Variants in ANO3 observed in about 807,000 individuals in gnomAD.
ANO3 encodes anoctamin-3.
Under a neutral mutation model 144.8 loss-of-function variants are expected in ANO3, and 99 were observed. The observed-to-expected ratio is 0.68, with a 90% CI of 0.58 to 0.81. The LOEUF is 0.81. Ranked by LOEUF, ANO3 falls within the 30% of genes least tolerant of loss-of-function variation. ANO3 has a pLI of 0.00. For missense variants in ANO3, 905 were observed against 1,202.2 expected, an observed-to-expected ratio of 0.75 and a Z score of 3.66; for synonymous variants, 414 against 392.6, an observed-to-expected ratio of 1.05 and a Z score of -0.64.
intron 24 of ANO3, among the ~76,000 whole-genome samples, chr11:26,651,937 T>C (rs545408595): frequency 1.3e-5 from 2 of 152,328 alleles, no homozygotes; most frequent in South Asian, 4.1e-4. Flanking sequence ...AAAGCATTGG[T>C]CATAATAACT....
At chr11:26,514,252 C>T (rs1440459593) in intron 5 of ANO3, among the ~76,000 whole-genome samples, 2 of 151,794 alleles carry the variant, frequency 1.3e-5, no homozygotes, top group Non-Finnish European at 2.9e-5. Context: ...TTTACAGAGC[C>T]AAGGAAGAGG....
At chr11:26,328,294 A>G (rs1854941910), upstream of ANO3, among the ~76,000 whole-genome samples, 1 of 152,112 alleles carries the variant, frequency 6.6e-6, no homozygotes, top group Non-Finnish European at 1.5e-5. Context: ...ATTTCACTCC[A>G]TTTTTCCTTT....
At chr11:26,387,795 T>A (rs1856774459) in intron 1 of ANO3, among the ~76,000 whole-genome samples, 1 of 152,084 alleles carries the variant, frequency 6.6e-6, no homozygotes, top group African/African-American at 2.4e-5. Context: ...AGAGAGAGTT[T>A]GCATTTTCTT....
intron 14 of ANO3, among the ~76,000 whole-genome samples, chr11:26,593,213 A>G (rs1035673478): frequency 4.6e-5 from 7 of 152,180 alleles, no homozygotes; most frequent in African/African-American, 1.7e-4. Context: ...GGGACTAGGT[A>G]AGCATACTTA....
intron 6 of ANO3, among the ~76,000 whole-genome samples, chr11:26,522,011 CG>C (rs1449507527): frequency 6.6e-6 from 1 of 152,042 alleles, no homozygotes; most frequent in Non-Finnish European, 1.5e-5. Context: ...GGTGAAACTC[CG>C]TCTCTACTAA....
chr11:26,356,332 A>G (rs1855783175), intron 1 of ANO3, among the ~76,000 whole-genome samples: 1 of 152,154 alleles, frequency 6.6e-6, no homozygotes, highest in Non-Finnish European at 1.5e-5. Context: ...CCACAATCAC[A>G]ATCAAGATAA....
chr11:26,537,587 CT>C, intron 10 of ANO3, 126 bp downstream of exon 10: 1 of 786,488 alleles, frequency 1.3e-6, no homozygotes, highest in South Asian at 1.5e-5. Context: ...AGCCATGGGC[CT>C]TCTGTCTCCC....
At chr11:26,282,253 G>A (rs895226085) in intron 1 of ANO3, among the ~76,000 whole-genome samples, 2 of 151,714 alleles carry the variant, frequency 1.3e-5, no homozygotes, top group African/African-American at 4.8e-5. Context: ...TATATCTAAA[G>A]TCCAGAAATA....
chr11:26,459,510 A>G (rs1859296601), intron 3 of ANO3, among the ~76,000 whole-genome samples: 2 of 152,150 alleles, frequency 1.3e-5, no homozygotes, highest in South Asian at 2.1e-4. Context: ...ACATTTATTG[A>G]ATGAACTATG....
At position 26,553,269 on chromosome 11, in the gene ANO3, C is replaced by T. The variant is rs1449196350; in HGVS notation, c.1310C>T (p.Thr437Ile). 1.2e-5 allele frequency: 19 copies of T among 1,559,220 alleles called. No individual in the cohort carries two copies. Among genetic ancestry groups the T allele is most frequent in the Non-Finnish European group, 1.7e-5 (19 of 1,136,642 alleles). Residue 437 changes from threonine to isoleucine, a missense_variant, in exon 13 of 27, where the codon ACT becomes ATT. Thr to Ile is a moderately conservative substitution (Grantham distance 89). Around this residue, in one of 4 missense-constraint regions of ANO3, gnomAD observed 597 missense variants for 865.1 expected, o/e 0.69. Transcript: ENST00000256737. ...SQVSQEICKA[T>I]EVFMCPLCDK... is the part of the protein sequence containing the mutation. ...TCAAGCCAAGAAATTTGTAAAGCCACTGAAGTCTTTATGTGCCCTCTCTGT... is the reference window on the plus strand; with the variant it reads ...TCAAGCCAAGAAATTTGTAAAGCCATTGAAGTCTTTATGTGCCCTCTCTGT...
intron 14 of ANO3, chr11:26,572,206 TG>T (rs950056317): frequency 1.8e-5 from 18 of 985,370 alleles, no homozygotes; most frequent in Non-Finnish European, 2.2e-5. Flanking sequence ...GGCTGTATCT[TG>T]CTTGTGTAAC....
At chr11:26,380,889 G>A (rs1856572132) in intron 1 of ANO3, among the ~76,000 whole-genome samples, 1 of 152,118 alleles carries the variant, frequency 6.6e-6, no homozygotes, top group Non-Finnish European at 1.5e-5. Flanking sequence ...GGCTGAGACA[G>A]GAGAATCACT....
At chr11:26,499,674 T>TG (rs2134121536) in intron 4 of ANO3, among the ~76,000 whole-genome samples, 1 of 152,024 alleles carries the variant, frequency 6.6e-6, no homozygotes, top group East Asian at 1.9e-4. Context: ...TATTCCTGCA[T>TG]GAATACCATA....
intron 1 of ANO3, among the ~76,000 whole-genome samples, chr11:26,428,051 C>T (rs1048040149): frequency 6.6e-6 from 1 of 152,092 alleles, no homozygotes; most frequent in African/African-American, 2.4e-5. Flanking sequence ...GGGACACAAG[C>T]CATATCATAG....
chr11:26,303,360 C>T (rs1854282153), intron 1 of ANO3, among the ~76,000 whole-genome samples: 1 of 152,084 alleles, frequency 6.6e-6, no homozygotes, highest in African/African-American at 2.4e-5. Context: ...CAATACTACA[C>T]AGCCATAAAA....
chr11:26,437,635 G>GCTGATT (rs10623236), intron 1 of ANO3, among the ~76,000 whole-genome samples: 152,297 of 152,314 alleles, frequency 1, 76,140 homozygotes, highest in Non-Finnish European at 1. Flanking sequence ...GGGCACACTA[G>GCTGATT]CTAATTGGCT....
intron 10 of ANO3, among the ~76,000 whole-genome samples, chr11:26,539,850 G>A (rs1463852740): frequency 1.3e-5 from 2 of 152,008 alleles, no homozygotes; most frequent in Non-Finnish European, 2.9e-5. Flanking sequence ...TCTATACTGG[G>A]TATTATTATT....
At chr11:26,447,769 TC>T (rs1858756696) in intron 3 of ANO3, among the ~76,000 whole-genome samples, 1 of 152,118 alleles carries the variant, frequency 6.6e-6, no homozygotes, top group South Asian at 2.1e-4. Context: ...ATCCCATATA[TC>T]CCCACACACT....
At chr11:26,613,943 A>C (rs1852173451) in intron 17 of ANO3, among the ~76,000 whole-genome samples, 1 of 152,228 alleles carries the variant, frequency 6.6e-6, no homozygotes, top group Admixed American at 6.5e-5. Context: ...GAAGCCAAGC[A>C]CAGATGCTCA....
Sources: gnomAD v4.1 joint callset for allele counts (sites outside exome capture counted in the v4.1 genomes callset) on GRCh38, gnomAD v4.1.1 for gene constraint, gnomAD v4.1.1 regional missense constraint, MANE v1.5 for transcripts, NCBI Gene and HGNC (gene_info 2026-07-23, HGNC 2026-07-21) for gene names.